DNAJA1: variants seen among roughly 807,000 people sequenced by gnomAD.
DNAJA1 encodes DnaJ heat shock protein family (Hsp40) member A1.
Under a neutral mutation model 47.6 loss-of-function variants are expected in DNAJA1, and 26 were observed. That is an observed-to-expected ratio of 0.55 (90% CI 0.40 to 0.76). The LOEUF (loss-of-function observed/expected upper bound fraction) is 0.76. Ranked by LOEUF, DNAJA1 falls within the 30% of genes least tolerant of loss-of-function variation. DNAJA1 has a pLI of 0.00. For synonymous variants in DNAJA1, 165 were observed against 158.4 expected (o/e 1.04, Z -0.31); for missense variants, 315 against 485.0 (o/e 0.65, Z 3.29).
chr9:33,037,153 T>C (rs1399153895), intron 8 of DNAJA1, 38 bp downstream of exon 8: 2 of 1,579,904 alleles, frequency 1.3e-6, no homozygotes, highest in Non-Finnish European at 8.6e-7. Flanking sequence ...TTGAGAACAA[T>C]TGGCTTACTA....
At chr9:33,032,974 G>A (rs992635385) in intron 5 of DNAJA1, among the ~76,000 whole-genome samples, 1 of 152,120 alleles carries the variant, frequency 6.6e-6, no homozygotes, top group Non-Finnish European at 1.5e-5. Flanking sequence ...TTTTCCATAC[G>A]TAAAGGTGAA....
intron 5 of DNAJA1, among the ~76,000 whole-genome samples, chr9:33,032,761 T>A (rs1046746271): frequency 7.9e-5 from 12 of 152,222 alleles, no homozygotes; most frequent in Admixed American, 7.2e-4. Context: ...TGATAGCGCT[T>A]TAAGTCCTTA....
chr9:33,026,366 G>T, intron 1 of DNAJA1, 109 bp from the exon 2 acceptor site: 1 of 1,155,740 alleles, frequency 8.7e-7, no homozygotes, highest in South Asian at 1.5e-5. Context: ...TTTAGGGAAG[G>T]TGGTGTTCTT....
At position 33,029,872 on chromosome 9, in the gene DNAJA1, T is replaced by C. The variant is rs1457474029; in HGVS notation, c.311-13T>C. ...TCTTAAACAGATTTGCAATGAGAAA[T>C]ATTTTGTTTTAGGTAAAAATGTTGT... On this transcript the variant is annotated splice_polypyrimidine_tract_variant and intron_variant, in intron 3 of 8. Coordinates refer to ENST00000330899, the MANE Select transcript of DNAJA1 (RefSeq NM_001539.4). 1 of 1,588,930 alleles carries C rather than the reference T, an allele frequency of 6.3e-7. No individual in the cohort carries two copies. Among genetic ancestry groups the C allele is most frequent in the Non-Finnish European group, 8.6e-7 (1 of 1,166,504 alleles).
At chr9:33,028,393 A>G (rs1465558492) in intron 3 of DNAJA1, among the ~76,000 whole-genome samples, 7 of 152,348 alleles carry the variant, frequency 4.6e-5, no homozygotes, top group Admixed American at 1.3e-4. Flanking sequence ...TATTTCCAGT[A>G]TAGTGTATAC....
intron 1 of DNAJA1, among the ~76,000 whole-genome samples, chr9:33,025,762 C>CG (rs1208548802): frequency 6.6e-6 from 1 of 151,732 alleles, no homozygotes; most frequent in African/African-American, 2.4e-5. Context: ...CGAGGGGCTG[C>CG]GGGGGGAGCC....
At chr9:33,027,603 C>G (rs546035043) in intron 3 of DNAJA1, among the ~76,000 whole-genome samples, 78 of 151,972 alleles carry the variant, frequency 5.1e-4, no homozygotes, top group African/African-American at 1.8e-3. Flanking sequence ...TCTGTAATCC[C>G]AGCACTTTGG....
intron 3 of DNAJA1, among the ~76,000 whole-genome samples, chr9:33,027,193 T>C (rs1453570530): frequency 2.6e-5 from 4 of 151,570 alleles, no homozygotes; most frequent in East Asian, 1.9e-4. Flanking sequence ...TTCCCTCTTA[T>C]TGCCCAGGCT....
At chr9:33,027,119 C>T (rs1309691293) in intron 3 of DNAJA1, 129 bp downstream of exon 3, 2 of 1,129,346 alleles carry the variant, frequency 1.8e-6, no homozygotes, top group Admixed American at 5.8e-5. Context: ...CCACAAATTG[C>T]CTCTGATTTA....
rs754886033 is a variant in DNAJA1 at position 33,036,569 on chromosome 9, T to C, written c.759-5T>C. On this transcript the variant is annotated splice_region_variant and splice_polypyrimidine_tract_variant and intron_variant, in intron 6 of 8. Coordinates refer to ENST00000330899, the MANE Select transcript of DNAJA1 (RefSeq NM_001539.4). ...AAATATAAATATGTGTCATATTTTA[T>C]GCAGACGAGGAGAAGACCTTTTCAT... 1 of 1,585,680 alleles carries C rather than the reference T, an allele frequency of 6.3e-7. No individual in the cohort carries two copies. The highest frequency in any genetic ancestry group is 1.8e-5 in the Admixed American group (1 of 56,468).
In DNAJA1 at chr9:33,039,082, T is replaced by C. The variant is rs1211421197; in HGVS notation, c.*179T>C. ...ATAAAAGCTCTGATTTTGCCCTGTA[T>C]GTATGATGACTTCAGTGTGCAAGAT... On this transcript the variant is annotated 3_prime_UTR_variant, in exon 9 of 9. Transcript: ENST00000330899. 1 of 629,458 alleles carries C rather than the reference T, an allele frequency of 1.6e-6. No individual in the cohort carries two copies. The highest frequency in any genetic ancestry group is 2.7e-6 in the Non-Finnish European group (1 of 369,152). The allele number at this position is 629,458 out of a possible 1,614,324, so 39.0% of individuals were successfully genotyped here.
chr9:33,026,891 G>T lies in DNAJA1; in HGVS notation c.211G>T (p.Ala71Ser), dbSNP rs755564269. The T allele has an allele frequency of 2.5e-6, 4 of 1,614,184 alleles. No individual in the cohort carries two copies. The South Asian group carries it at 4.4e-5, about 18-fold the overall frequency. The change falls in exon 3 of 9, where the codon GCA becomes TCA. Residue 71 changes from alanine to serine, a missense_variant. Physicochemically the swap from Ala to Ser is moderately conservative, Grantham distance 99. Around this residue, in one of 4 missense-constraint regions of DNAJA1, gnomAD observed 100 missense variants for 163.0 expected, o/e 0.61. Coordinates refer to ENST00000330899, the MANE Select transcript of DNAJA1 (RefSeq NM_001539.4). The stretch of plus-strand genomic sequence containing the variant: ...ATTATATGACAAAGGAGGAGAACAG[G>T]CAATTAAAGAGGGTGGAGCAGGTGG... Reference protein sequence around the residue: ...RELYDKGGEQAIKEGGAGGGF... With the variant: ...RELYDKGGEQSIKEGGAGGGF...
intron 3 of DNAJA1, 56 bp downstream of exon 3, chr9:33,027,046 G>C: frequency 6.3e-7 from 1 of 1,592,968 alleles, no homozygotes; most frequent in South Asian, 1.1e-5. Context: ...GGTCAGAGCA[G>C]ATCTTTGAGA....
Position 33,038,718 on chromosome 9 carries a change from G to A in DNAJA1, c.1009G>A (p.Asp337Asn), listed in dbSNP as rs755081187. The part of the protein sequence containing the change: ...NFPENGFLSP[D>N]KLSLLEKLLP... Reference sequence around the variant, plus strand: ...TCCTGAGAATGGCTTTCTCTCTCCTGATAAACTGTCTTTGCTGGAAAAACT... The same window carrying A: ...TCCTGAGAATGGCTTTCTCTCTCCTAATAAACTGTCTTTGCTGGAAAAACT... The change falls in exon 9 of 9, where the codon GAT becomes AAT. Residue 337 changes from aspartate to asparagine, a missense_variant. By Grantham distance (23) the Asp-to-Asn change is conservative. This residue lies in a region of DNAJA1 where 162 missense variants were observed against 185.4 expected (regional missense o/e 0.87). Transcript: ENST00000330899. 1 of 1,614,110 alleles carries A rather than the reference G, an allele frequency of 6.2e-7. No individual in the cohort carries two copies. Among genetic ancestry groups the A allele is most frequent in the African/African-American group, 1.3e-5 (1 of 75,028 alleles).
At chr9:33,033,901 C>G (rs1838998297) in intron 5 of DNAJA1, among the ~76,000 whole-genome samples, 1 of 152,126 alleles carries the variant, frequency 6.6e-6, no homozygotes. Context: ...AGTTAATACT[C>G]TAAATATTGC....
intron 3 of DNAJA1, among the ~76,000 whole-genome samples, chr9:33,027,757 G>T (rs1425600779): frequency 6.6e-6 from 1 of 152,054 alleles, no homozygotes; most frequent in Non-Finnish European, 1.5e-5. Context: ...GGCTGAGGCA[G>T]GAGAATCGCT....
At chr9:33,033,265 T>C (rs951252889) in intron 5 of DNAJA1, among the ~76,000 whole-genome samples, 1 of 151,028 alleles carries the variant, frequency 6.6e-6, no homozygotes, top group African/African-American at 2.4e-5. Flanking sequence ...TAGCACTGAT[T>C]GTTTTGTTTG....
At chr9:33,031,834 T>A (rs1299034843) in intron 5 of DNAJA1, among the ~76,000 whole-genome samples, 1 of 152,208 alleles carries the variant, frequency 6.6e-6, no homozygotes, top group Non-Finnish European at 1.5e-5. Context: ...CCTTTCATTT[T>A]TTTAGACTTG....
rs893253423 is a variant in DNAJA1 at position 33,025,301 on chromosome 9, G to A, written c.-93G>A. ...GAACTTTCCAGAACGCTCGGTGAGAGGCGGAGGAGCGGTAACTACCCCGGC... is the reference window on the plus strand; with the variant it reads ...GAACTTTCCAGAACGCTCGGTGAGAAGCGGAGGAGCGGTAACTACCCCGGC... On this transcript the variant is annotated 5_prime_UTR_variant, in exon 1 of 9. Transcript: ENST00000330899. 9 of 152,456 alleles carry A rather than the reference G, an allele frequency of 5.9e-5. No homozygotes were observed. The highest frequency in any genetic ancestry group is 1.9e-4 in the African/African-American group (8 of 41,430). 9.4% of individuals were successfully genotyped at this position (152,456 alleles called of 1,614,324 possible).
Sources: gnomAD v4.1 joint callset for allele counts (sites outside exome capture counted in the v4.1 genomes callset) on GRCh38, gnomAD v4.1.1 for gene constraint, gnomAD v4.1.1 regional missense constraint, MANE v1.5 for transcripts, NCBI Gene and HGNC (gene_info 2026-07-23, HGNC 2026-07-21) for gene names.